The following CELSR1 variants were observed in gnomAD, a reference collection of about 807,000 sequenced individuals.
CELSR1 encodes the protein cadherin EGF LAG seven-pass G-type receptor 1.
In CELSR1, 110 loss-of-function variants were observed where a neutral mutation model predicts 249.1. The ratio of observed to expected loss-of-function variants is 0.44; its 90% CI spans 0.38 to 0.52. The LOEUF is 0.52. Ranked by LOEUF, CELSR1 falls within the 20% of genes least tolerant of loss-of-function variation. The pLI is 0.00. For missense variants in CELSR1, 4,109 were observed against 4,296.4 expected (o/e 0.96, Z 1.22); for synonymous variants, 2,113 against 1,900.0 (o/e 1.11, Z -2.92).
intron 5 of CELSR1, among the ~76,000 whole-genome samples, chr22:46,419,882 C>T (rs1003051918): frequency 2.0e-5 from 3 of 152,086 alleles, no homozygotes; most frequent in African/African-American, 7.2e-5. Flanking sequence ...CACTCCCACA[C>T]GTGCCTTCTC....
Position 46,411,531 on chromosome 22 carries a change from C to T in CELSR1, c.4769+71G>A, listed in dbSNP as rs571136391. ...CCAGAGTGCCTACGTGGGGCCCTGC[C>T]CTGGGAAGGCCGCAGGGTGAGCATG... On this transcript the variant is annotated intron_variant, in intron 6 of 34. Transcript: ENST00000674500. The surrounding 1 kb of genome is among the most constrained non-coding windows in gnomAD (Gnocchi z 4.2). 25 of 1,577,944 alleles carry T rather than the reference C, an allele frequency of 1.6e-5. 1 individual carries two copies. In the African/African-American group the frequency reaches 3.0e-4, roughly 19 times the overall value.
In CELSR1 at chr22:46,377,026, C is replaced by G. The variant is rs201864323; in HGVS notation, c.7584+35G>C. 3.7e-6 allele frequency: 6 copies of G among 1,605,978 alleles called. No individual in the cohort carries two copies. In the East Asian group the frequency reaches 1.3e-4, roughly 36 times the overall value. ...CTATGGTAGCTGCTCCAAGCTGCGGCCCAGACAGTGGGGAGGGGAGCAGAG... is the reference window on the plus strand; with the variant it reads ...CTATGGTAGCTGCTCCAAGCTGCGGGCCAGACAGTGGGGAGGGGAGCAGAG... On this transcript the variant is annotated intron_variant, in intron 24 of 34. Transcript: ENST00000674500.
At chr22:46,371,759 C>T (rs1345223486) in intron 25 of CELSR1, among the ~76,000 whole-genome samples, 1 of 150,506 alleles carries the variant, frequency 6.6e-6, no homozygotes, top group Admixed American at 6.6e-5. Flanking sequence ...ATCCGTCCAT[C>T]CACCTATTCA....
rs1423702344 is a variant in CELSR1 at position 46,440,603 on chromosome 22, T to C, written c.4184-1192A>G. ...GAGGCCAGCATCTTTTCCTGTTTTA[T>C]TGACAATTGACACTCTCTTTCCTAG... On this transcript the variant is annotated intron_variant, in intron 2 of 34. Coordinates refer to ENST00000674500, the MANE Select transcript of CELSR1 (RefSeq NM_001378328.1). The surrounding 1 kb of genome is among the most constrained non-coding windows in gnomAD (Gnocchi z 4.7). Among the ~76,000 whole-genome samples, 1 of 152,186 alleles carries C rather than the reference T, an allele frequency of 6.6e-6. No homozygotes were observed. Among genetic ancestry groups the C allele is most frequent in the Non-Finnish European group, 1.5e-5 (1 of 68,030 alleles).
chr22:46,367,034 G>C lies in CELSR1; in HGVS notation c.8164C>G (p.His2722Asp), dbSNP rs1288228206. The stretch of plus-strand genomic sequence containing the variant: ...CTGGTGGTGGCGGAGTCCTCCAGGT[G>C]CAGCTTCCTCCCGCCGAGCACGCCC... ...LKGVLGGRKL[H>D]LEDSATTRAT... Residue 2722 changes from histidine to aspartate, a missense_variant, in exon 29 of 35, where the codon CAC (histidine) becomes GAC (aspartate). Transcript: ENST00000674500. The C allele has an allele frequency of 6.2e-7, 1 of 1,610,780 alleles. No homozygotes were observed. Among genetic ancestry groups the C allele is most frequent in the Non-Finnish European group, 8.5e-7 (1 of 1,179,602 alleles).
At chr22:46,480,586 G>A (rs1984519) in intron 1 of CELSR1, among the ~76,000 whole-genome samples, 111,729 of 152,060 alleles carry the variant, frequency 0.73, 41,215 homozygotes, top group East Asian at 0.83. Flanking sequence ...CTTATGGAAA[G>A]TGATGCAGAA....
intron 2 of CELSR1, among the ~76,000 whole-genome samples, chr22:46,459,695 G>A (rs970548377): frequency 6.6e-6 from 1 of 152,192 alleles, no homozygotes; most frequent in Non-Finnish European, 1.5e-5. Flanking sequence ...CCCACCCCCA[G>A]CTGTGACAAC....
At chr22:46,503,996 C>A (rs369343362) in intron 1 of CELSR1, among the ~76,000 whole-genome samples, 1 of 152,096 alleles carries the variant, frequency 6.6e-6, no homozygotes, top group African/African-American at 2.4e-5. Context: ...CAGTACCATG[C>A]ACTCCGGCCT....
rs2147294915 is a variant in CELSR1, at chr22:46,402,269, T to A, written c.5227-2367A>T. Among the ~76,000 whole-genome samples, 1 of 150,710 alleles carries A rather than the reference T, an allele frequency of 6.6e-6. No homozygotes were observed. Among genetic ancestry groups the A allele is most frequent in the African/African-American group, 2.4e-5 (1 of 40,992 alleles). On this transcript the variant is annotated intron_variant, in intron 9 of 34. Coordinates refer to ENST00000674500, the MANE Select transcript of CELSR1 (RefSeq NM_001378328.1). The surrounding 1 kb of genome is among the most constrained non-coding windows in gnomAD (Gnocchi z 5.0). ...TTCACTCTTGTTGCCCAGGCTGGAG[T>A]GCAATGGCACAATCTCAGCTCACTG... is the stretch of plus-strand genomic sequence containing the variant.
intron 1 of CELSR1, among the ~76,000 whole-genome samples, chr22:46,521,567 A>G (rs1382945356): frequency 2.0e-5 from 3 of 151,826 alleles, no homozygotes; most frequent in South Asian, 2.1e-4. Flanking sequence ...TGTAATCCCA[A>G]CACTTTGGGA....
At chr22:46,442,477 A>C (rs1333810090) in intron 2 of CELSR1, among the ~76,000 whole-genome samples, 3 of 151,824 alleles carry the variant, frequency 2.0e-5, no homozygotes, top group East Asian at 3.9e-4. Context: ...CCCTCTGCCC[A>C]GGCCAGGGCC....
rs1332910087 is a variant in CELSR1 at position 46,440,794 on chromosome 22, T to C, written c.4184-1383A>G. Among the ~76,000 whole-genome samples the C allele has an allele frequency of 2.0e-5, 3 of 152,222 alleles. No homozygotes were observed. The highest frequency in any genetic ancestry group is 4.8e-5 in the African/African-American group (2 of 41,456). On this transcript the variant is annotated intron_variant, in intron 2 of 34. Coordinates refer to ENST00000674500, the MANE Select transcript of CELSR1 (RefSeq NM_001378328.1). The surrounding 1 kb of genome is among the most constrained non-coding windows in gnomAD (Gnocchi z 4.7). ...GTATTTGTAGCCCCACAGAAATTTT[T>C]TGTCTGTATGTGATCATATTTATCC... is the stretch of plus-strand genomic sequence containing the variant.
At chr22:46,367,586 A>G in intron 28 of CELSR1, 143 bp downstream of exon 28, 3 of 1,162,054 alleles carry the variant, frequency 2.6e-6, no homozygotes, top group South Asian at 1.5e-5. Context: ...CAAGGGACTG[A>G]GTCCTCACAG....
intron 25 of CELSR1, among the ~76,000 whole-genome samples, chr22:46,372,367 T>TCCATCCACTCACTCACCCCATCTAC (rs751929888): frequency 5.0e-4 from 53 of 105,056 alleles, no homozygotes; most frequent in Non-Finnish European, 8.5e-4. Context: ...CACCCATCCA[T>TCCATCCACTCACTCACCCCATCTAC]CCATCCACTC....
At chr22:46,419,368 C>G (rs565671601) in intron 5 of CELSR1, among the ~76,000 whole-genome samples, 2 of 152,180 alleles carry the variant, frequency 1.3e-5, no homozygotes, top group Non-Finnish European at 2.9e-5. Context: ...CTGAGGGACC[C>G]TCCTCAAGCA....
chr22:46,394,852 A>G (rs1602072473), intron 13 of CELSR1, among the ~76,000 whole-genome samples: 1 of 152,220 alleles, frequency 6.6e-6, no homozygotes, highest in African/African-American at 2.4e-5. Flanking sequence ...GCAGAGAGCA[A>G]CAGACACTGA....
rs926122183 is a variant in CELSR1, at chr22:46,410,270, G to A, written c.4933+128C>T. On this transcript the variant is annotated intron_variant, in intron 7 of 34. Transcript: ENST00000674500. This position sits in a 1 kb window ranked among gnomAD's most constrained non-coding sequence, Gnocchi z 6.8. ...GGTTCCATCCCAGGAGCTGCCCACC[G>A]CTGGACACATACATTTCTAAGAAAA... is the stretch of plus-strand genomic sequence containing the variant. 2.3e-5 allele frequency: 28 copies of A among 1,197,852 alleles called. No homozygotes were observed. The highest frequency in any genetic ancestry group is 1.2e-4 in the East Asian group (5 of 41,430). The allele number at this position is 1,197,852 out of a possible 1,614,324, so 74.2% of individuals were successfully genotyped here. A position where few individuals can be genotyped will look rare whatever the true frequency, so the allele number is the denominator to read the frequency against.
chr22:46,416,019 C>T (rs138140407), intron 5 of CELSR1, among the ~76,000 whole-genome samples: 2,561 of 151,358 alleles, frequency 0.017, 71 homozygotes, highest in Middle Eastern at 0.061. Context: ...TGTGGGGTGG[C>T]GTGTCCGCCT....
chr22:46,466,882 T>A (rs2147602998), intron 1 of CELSR1, among the ~76,000 whole-genome samples: 1 of 152,126 alleles, frequency 6.6e-6, no homozygotes, highest in South Asian at 2.1e-4. Flanking sequence ...CACCAGGGGA[T>A]TTGCATCCTC....
Sources: allele counts gnomAD v4.1 joint callset (sites outside exome capture counted in the v4.1 genomes callset), GRCh38; gene constraint gnomAD v4.1.1; non-coding constraint Gnocchi (gnomAD v3.1); transcripts MANE v1.5; gene names NCBI Gene and HGNC (gene_info 2026-07-23, HGNC 2026-07-21).